Variants in ARHGAP23 observed in about 807,000 individuals in gnomAD.
ARHGAP23 encodes Rho GTPase activating protein 23.
A neutral mutation model predicts 136.3 loss-of-function variants in ARHGAP23; 34 were observed. The ratio of observed to expected loss-of-function variants is 0.25; its 90% confidence interval spans 0.19 to 0.33. ARHGAP23 has a LOEUF of 0.33. Among genes scored for constraint, ARHGAP23 ranks in the 10% least tolerant of loss-of-function variants. The probability of loss-of-function intolerance (pLI) is 1.00; values close to 1 mark genes in which losing one functional copy is unlikely to be tolerated. For synonymous variants in ARHGAP23, 832 were observed against 920.5 expected, an observed-to-expected ratio of 0.90 and a Z score of 1.74; for missense variants, 1,808 against 2,139.0, an observed-to-expected ratio of 0.85 and a Z score of 3.05.
chr17:38,497,451 G>T (rs2040417880), intron 20 of ARHGAP23, among the ~76,000 whole-genome samples: 1 of 152,218 alleles, frequency 6.6e-6, no homozygotes, highest in Admixed American at 6.5e-5. Flanking sequence ...TACCACAGGG[G>T]TGTGCCCAGG....
At chr17:38,453,418 CGTGCGTGT>C (rs745951849) in intron 1 of ARHGAP23, among the ~76,000 whole-genome samples, 2,034 of 100,912 alleles carry the variant, frequency 0.02, 33 homozygotes, top group Non-Finnish European at 0.025. Flanking sequence ...CGCGCGTATG[CGTGCGTGT>C]GTGTGTGTGT....
At chr17:38,434,867 T>C (rs1333093668) in intron 1 of ARHGAP23, among the ~76,000 whole-genome samples, 1 of 152,144 alleles carries the variant, frequency 6.6e-6, no homozygotes, top group Non-Finnish European at 1.5e-5. Flanking sequence ...GGTGGGGACC[T>C]GGGCAATCCA....
chr17:38,424,791 C>T (rs981299735), upstream of ARHGAP23, among the ~76,000 whole-genome samples: 2 of 152,170 alleles, frequency 1.3e-5, no homozygotes, highest in African/African-American at 4.8e-5. Context: ...TTCTCTGGGC[C>T]TCATTTTCCT....
upstream of ARHGAP23, among the ~76,000 whole-genome samples, chr17:38,424,992 CCT>C (rs2038555870): frequency 2.0e-5 from 3 of 152,338 alleles, no homozygotes; most frequent in South Asian, 6.2e-4. Flanking sequence ...AATCCCAGAG[CCT>C]CTGTTGTTTG....
rs1177647422 is a variant in ARHGAP23 at position 38,477,414 on chromosome 17, G to T, written c.2119-165G>T. Among the ~76,000 whole-genome samples the T allele has an allele frequency of 6.6e-6, 1 of 152,114 alleles. No homozygotes were observed. Among genetic ancestry groups the T allele is most frequent in the African/African-American group, 2.4e-5 (1 of 41,418 alleles). On this transcript the variant is annotated intron_variant, in intron 11 of 23. Transcript: ENST00000622683. The surrounding 1 kb of genome is among the most constrained non-coding windows in gnomAD (Gnocchi z 6.6). ...CAAGGGGCTGAGAAGGCATTGGTGG[G>T]CTGTGGGCAGGAGGCTGCCCAGGTC...
At chr17:38,435,147 T>C (rs1349113856) in intron 1 of ARHGAP23, among the ~76,000 whole-genome samples, 1 of 152,094 alleles carries the variant, frequency 6.6e-6, no homozygotes. Flanking sequence ...GCCAAGGGGA[T>C]AGAGCAGAGA....
Position 38,511,123 on chromosome 17 carries a change from GGAAC to G in ARHGAP23, c.*152_*155del, listed in dbSNP as rs1802944021. On this transcript the variant is annotated 3_prime_UTR_variant, in exon 24 of 24. Transcript: ENST00000622683. ...AGGCAGTGTCTCTAGTTGGTGTGCT[GGAAC>G]TGGCAGGGCAGAGGAGAAGGCTGGG... The G allele has an allele frequency of 8.5e-6, 7 of 819,224 alleles. No individual in the cohort carries two copies. In the East Asian group the frequency reaches 1.0e-4, roughly 12 times the overall value. The allele number at this position is 819,224 out of a possible 1,614,324, so 50.7% of individuals were successfully genotyped here. A position where few individuals can be genotyped will look rare whatever the true frequency, so the allele number is the denominator to read the frequency against.
intron 23 of ARHGAP23, among the ~76,000 whole-genome samples, chr17:38,504,248 G>T (rs1027320485): frequency 2.6e-5 from 4 of 152,224 alleles, no homozygotes; most frequent in Non-Finnish European, 4.4e-5. Context: ...AGGCACAGAC[G>T]AGGCTGCCGG....
rs1180570431 is a variant in ARHGAP23 at position 38,510,251 on chromosome 17, C to T, written c.3755C>T (p.Thr1252Ile). Residue 1252 changes from threonine (T) to isoleucine (I), a missense_variant, in exon 24 of 24, where the codon ACC becomes ATC. Thr to Ile is a moderately conservative substitution (Grantham distance 89). Around this residue, in one of 7 missense-constraint regions of ARHGAP23, gnomAD observed 506 missense variants for 455.8 expected, o/e 1.11. Transcript: ENST00000622683. The surrounding 1 kb of genome is among the most constrained non-coding windows in gnomAD (Gnocchi z 4.6). ...CGCTCCATTGTGTCGGGCTACTCCA[C>T]CCTGTCCACCATGGACCGCAGCGTG... ...DTRSIVSGYS[T>I]LSTMDRSVCS... 4.4e-6 allele frequency: 6 copies of T among 1,364,412 alleles called. No homozygotes were observed. Among genetic ancestry groups the T allele is most frequent in the Non-Finnish European group, 3.8e-6 (4 of 1,059,470 alleles). 84.5% of individuals were successfully genotyped at this position (1,364,412 alleles called of 1,614,324 possible).
chr17:38,436,869 A>G (rs1431947096), intron 1 of ARHGAP23, among the ~76,000 whole-genome samples: 1 of 152,240 alleles, frequency 6.6e-6, no homozygotes, highest in Non-Finnish European at 1.5e-5. Context: ...CACAAAGGCG[A>G]TAACGGGAGT....
intron 1 of ARHGAP23, among the ~76,000 whole-genome samples, chr17:38,447,267 C>G (rs933697579): frequency 1.3e-5 from 2 of 151,542 alleles, no homozygotes; most frequent in African/African-American, 2.4e-5. Flanking sequence ...CATGGTGAAA[C>G]CCCATCTCCA....
chr17:38,500,444 G>T, intron 22 of ARHGAP23, 153 bp from the exon 23 acceptor site: 1 of 664,032 alleles, frequency 1.5e-6, no homozygotes, highest in Admixed American at 2.6e-5. Context: ...ATGGACATCA[G>T]ATGTCCATCA....
At chr17:38,508,923 G>A (rs890505462) in intron 23 of ARHGAP23, among the ~76,000 whole-genome samples, 3 of 151,934 alleles carry the variant, frequency 2.0e-5, no homozygotes, top group African/African-American at 4.8e-5. Context: ...GGACAGGGAG[G>A]CCTGGATAGC....
rs566114451 is a variant in ARHGAP23, at chr17:38,429,049, C to A, written c.63+501C>A. Among the ~76,000 whole-genome samples, 12 of 152,322 alleles carry A rather than the reference C, an allele frequency of 7.9e-5. No individual in the cohort carries two copies. In the East Asian group the frequency reaches 2.3e-3, roughly 29 times the overall value. Reference sequence around the variant, plus strand: ...ACACCCCCTCCCCGCGCCACACTCGCCCCCTGCCGGGTCGGACTGCGGGAC... The same window carrying A: ...ACACCCCCTCCCCGCGCCACACTCGACCCCTGCCGGGTCGGACTGCGGGAC... On this transcript the variant is annotated intron_variant, in intron 1 of 23. Coordinates refer to ENST00000622683, the MANE Select transcript of ARHGAP23 (RefSeq NM_001199417.2).
upstream of ARHGAP23, among the ~76,000 whole-genome samples, chr17:38,426,564 A>AAAAAAAAAAAAAAAAAAAAAAAAAAAC (rs2038573320): frequency 6.6e-6 from 1 of 150,730 alleles, no homozygotes; most frequent in Non-Finnish European, 1.5e-5. Flanking sequence ...AAAAAAAAAA[A>AAAAAAAAAAAAAAAAAAAAAAAAAAAC]AAAAAAAATC....
chr17:38,510,064 G>A lies in ARHGAP23; in HGVS notation c.3568G>A (p.Asp1190Asn). ...GGCGCGGGGGCTGGGCAGCAGCACCGACGACGACTCGGAGCAGGAGGCGCA... is the reference window on the plus strand; with the variant it reads ...GGCGCGGGGGCTGGGCAGCAGCACCAACGACGACTCGGAGCAGGAGGCGCA... ...REARGLGSST[D>N]DDSEQEAHKP... The change falls in exon 24 of 24, where the codon GAC becomes AAC. Residue 1190 changes from aspartate to asparagine, a missense_variant. Physicochemically the swap from Asp to Asn is conservative, Grantham distance 23 (BLOSUM62 1). Transcript: ENST00000622683. The surrounding 1 kb of genome is among the most constrained non-coding windows in gnomAD (Gnocchi z 4.6). The A allele has an allele frequency of 3.2e-6, 4 of 1,239,838 alleles. No homozygotes were observed. The highest frequency in any genetic ancestry group is 4.0e-6 in the Non-Finnish European group (4 of 993,346). The allele number at this position is 1,239,838 out of a possible 1,614,324, so 76.8% of individuals were successfully genotyped here. A position where few individuals can be genotyped will look rare whatever the true frequency, so the allele number is the denominator to read the frequency against.
intron 6 of ARHGAP23, among the ~76,000 whole-genome samples, chr17:38,463,707 CCT>C (rs772120730): frequency 1.3e-5 from 2 of 152,104 alleles, no homozygotes; most frequent in Non-Finnish European, 2.9e-5. Flanking sequence ...CCTGTCTGGC[CCT>C]GAGTGAGGGT....
At position 38,511,436 on chromosome 17, in the gene ARHGAP23, T is replaced by G. The variant is rs2144838666; in HGVS notation, c.*464T>G. 1 of 157,978 alleles carries G rather than the reference T, an allele frequency of 6.3e-6. No individual in the cohort carries two copies. Among genetic ancestry groups the G allele is most frequent in the African/African-American group, 2.4e-5 (1 of 41,436 alleles). The allele number at this position is 157,978 out of a possible 1,614,324, so 9.8% of individuals were successfully genotyped here. Reference sequence around the variant, plus strand: ...TGTGTGTATGTCTGGGGAGAGGAGGTGTAGGGTGCGTATGTCCATGGGGGG... The same window carrying G: ...TGTGTGTATGTCTGGGGAGAGGAGGGGTAGGGTGCGTATGTCCATGGGGGG... On this transcript the variant is annotated 3_prime_UTR_variant, in exon 24 of 24. Transcript: ENST00000622683.
intron 17 of ARHGAP23, among the ~76,000 whole-genome samples, chr17:38,486,536 C>CTTTTTTTTT (rs34888986): frequency 7.9e-6 from 1 of 125,848 alleles, no homozygotes; most frequent in Admixed American, 8.3e-5. Context: ...ACCACGCTGG[C>CTTTTTTTTT]TTTTTTTTTT....
Sources: gnomAD v4.1 joint callset for allele counts (sites outside exome capture counted in the v4.1 genomes callset) on GRCh38, gnomAD v4.1.1 for gene constraint, gnomAD v4.1.1 regional missense constraint, Gnocchi (gnomAD v3.1) non-coding constraint, MANE v1.5 for transcripts, NCBI Gene and HGNC (gene_info 2026-07-23, HGNC 2026-07-21) for gene names.